ADGRL2: variants seen among roughly 807,000 people sequenced by gnomAD.
ADGRL2 encodes the protein adhesion G protein-coupled receptor L2, also known as calcium-independent alpha-latrotoxin receptor 2.
ADGRL2 carries 44 observed loss-of-function variants against 157.4 expected under a neutral mutation model. That is an observed-to-expected ratio of 0.28 (90% CI 0.22 to 0.36). The LOEUF is 0.36. Among genes scored for constraint, ADGRL2 ranks in the 10% least tolerant of loss-of-function variants. The probability of loss-of-function intolerance (pLI) is 1.00; values close to 1 mark genes in which losing one functional copy is unlikely to be tolerated. For synonymous variants in ADGRL2, 585 were observed against 624.7 expected (o/e 0.94, Z 0.95); for missense variants, 1,510 against 1,768.9 (o/e 0.85, Z 2.63).
At chr1:81,806,036 A>G (rs10493707) in intron 1 of ADGRL2, among the ~76,000 whole-genome samples, 2,683 of 152,188 alleles carry the variant, frequency 0.018, 72 homozygotes, top group African/African-American at 0.061. Context: ...TGCCATTTTC[A>G]ATCACTGGGT....
chr1:81,909,797 A>T (rs2094671159), intron 3 of ADGRL2, among the ~76,000 whole-genome samples: 1 of 151,900 alleles, frequency 6.6e-6, no homozygotes, highest in Admixed American at 6.6e-5. Context: ...TAAAATTTAG[A>T]TGTAAGGAAA....
intron 1 of ADGRL2, among the ~76,000 whole-genome samples, chr1:81,819,577 A>G (rs2090771346): frequency 6.6e-6 from 1 of 152,138 alleles, no homozygotes; most frequent in Non-Finnish European, 1.5e-5. Context: ...AAGTGATACT[A>G]ATTTTTTTTA....
intron 1 of ADGRL2, among the ~76,000 whole-genome samples, chr1:81,809,801 A>G (rs2089633083): frequency 6.6e-6 from 1 of 152,056 alleles, no homozygotes; most frequent in Admixed American, 6.6e-5. Flanking sequence ...TTCAAAATGT[A>G]AAATATGTAT....
At chr1:81,886,151 T>C (rs1331876673) in intron 2 of ADGRL2, among the ~76,000 whole-genome samples, 1 of 152,208 alleles carries the variant, frequency 6.6e-6, no homozygotes, top group African/African-American at 2.4e-5. Context: ...TACACGTTAT[T>C]TCTTTGCAGT....
intron 17 of ADGRL2, among the ~76,000 whole-genome samples, chr1:81,977,808 AG>A (rs956027079): frequency 6.6e-6 from 1 of 151,700 alleles, no homozygotes; most frequent in Non-Finnish European, 1.5e-5. Flanking sequence ...AAGAAGAGCA[AG>A]GAAAAAAAAC....
intron 2 of ADGRL2, among the ~76,000 whole-genome samples, chr1:81,889,325 G>A (rs1362726309): frequency 6.6e-6 from 1 of 152,198 alleles, no homozygotes; most frequent in Non-Finnish European, 1.5e-5. Context: ...CTACTTCAGT[G>A]AACACATAGA....
chr1:81,929,918 T>A (rs766621046), intron 3 of ADGRL2, among the ~76,000 whole-genome samples: 3 of 152,172 alleles, frequency 2.0e-5, no homozygotes, highest in Non-Finnish European at 4.4e-5. Context: ...CTTAACAAAC[T>A]TCTAAAGAAG....
chr1:81,411,439 TG>T (rs2076943344), intron 1 of ADGRL2, among the ~76,000 whole-genome samples: 1 of 152,158 alleles, frequency 6.6e-6, no homozygotes, highest in Admixed American at 6.5e-5. Context: ...AGGGAGATAT[TG>T]GTGTCGTTAG....
chr1:81,855,178 C>G (rs963149434), intron 2 of ADGRL2, among the ~76,000 whole-genome samples: 3 of 152,114 alleles, frequency 2.0e-5, no homozygotes, highest in Non-Finnish European at 4.4e-5. Flanking sequence ...GTGGCTCGTG[C>G]CTGTAATCCC....
intron 2 of ADGRL2, among the ~76,000 whole-genome samples, chr1:81,498,519 G>A (rs1250077131): frequency 6.6e-6 from 1 of 152,076 alleles, no homozygotes; most frequent in African/African-American, 2.4e-5. Flanking sequence ...CCCCATACTG[G>A]ACCGACAGAT....
In ADGRL2 at chr1:81,990,484, A is replaced by G. The variant is rs1664384358; in HGVS notation, c.3749A>G (p.Asp1250Gly). Residue 1250 changes from aspartate (D) to glycine (G), a missense_variant, in exon 24 of 24, where the codon GAC (aspartate) becomes GGC (glycine). Asp to Gly is a moderately conservative substitution (Grantham distance 94, BLOSUM62 -1). Coordinates refer to ENST00000686636, the MANE Select transcript of ADGRL2 (RefSeq NM_001366006.2). ...FNNSYSLHKG[D>G]YNDSVQVVDC... ...AACAGCTACTCGCTGCACAAGGGTGACTATAATGACAGCGTGCAAGTTGTG... is the reference window on the plus strand; with the variant it reads ...AACAGCTACTCGCTGCACAAGGGTGGCTATAATGACAGCGTGCAAGTTGTG... 6.2e-7 allele frequency: 1 copy of G among 1,614,014 alleles called. No homozygotes were observed. The highest frequency in any genetic ancestry group is 1.3e-5 in the African/African-American group (1 of 74,926).
chr1:81,414,847 T>C (rs1040588513), intron 1 of ADGRL2, among the ~76,000 whole-genome samples: 6 of 152,218 alleles, frequency 3.9e-5, no homozygotes, highest in African/African-American at 1.4e-4. Flanking sequence ...CAAGACTTTT[T>C]ATAATTCGAT....
chr1:81,976,237 T>C (rs1660157106), intron 17 of ADGRL2, among the ~76,000 whole-genome samples: 1 of 151,990 alleles, frequency 6.6e-6, no homozygotes, highest in South Asian at 2.1e-4. Context: ...AAAAATCTTA[T>C]TCAGTATTAT....
chr1:81,792,462 A>G (rs1351205561), intron 2 of ADGRL2, among the ~76,000 whole-genome samples: 3 of 152,122 alleles, frequency 2.0e-5, no homozygotes, highest in African/African-American at 7.2e-5. Flanking sequence ...ATACATATAC[A>G]TGTGCATATA....
intron 1 of ADGRL2, among the ~76,000 whole-genome samples, chr1:81,801,987 A>C (rs1201234833): frequency 1.3e-5 from 2 of 148,994 alleles, no homozygotes; most frequent in East Asian, 4.1e-4. Flanking sequence ...TAACCCCAGG[A>C]GCCGCCCGGC....
At chr1:81,434,137 G>A (rs764789459) in intron 1 of ADGRL2, among the ~76,000 whole-genome samples, 6 of 152,096 alleles carry the variant, frequency 3.9e-5, no homozygotes, top group African/African-American at 4.8e-5. Context: ...AGATTCAAAG[G>A]GAGAGGAATT....
At chr1:81,535,399 G>T (rs2079710453) in intron 2 of ADGRL2, among the ~76,000 whole-genome samples, 1 of 152,074 alleles carries the variant, frequency 6.6e-6, no homozygotes, top group Admixed American at 6.6e-5. Context: ...TATCTCATGT[G>T]TGTGTGTATG....
intron 2 of ADGRL2, among the ~76,000 whole-genome samples, chr1:81,569,586 C>T (rs570537679): frequency 3.4e-4 from 51 of 152,182 alleles, no homozygotes; most frequent in Middle Eastern, 6.8e-3. Context: ...GGCAAGAGGA[C>T]CACTTGAGGC....
intron 2 of ADGRL2, among the ~76,000 whole-genome samples, chr1:81,567,276 A>G (rs2080583827): frequency 3.3e-5 from 5 of 152,128 alleles, no homozygotes; most frequent in Admixed American, 3.3e-4. Flanking sequence ...TTTAAAATTC[A>G]ATACTTCAGT....
Sources: gnomAD v4.1 joint callset for allele counts (sites outside exome capture counted in the v4.1 genomes callset) on GRCh38, gnomAD v4.1.1 for gene constraint, MANE v1.5 for transcripts, NCBI Gene and HGNC (gene_info 2026-07-23, HGNC 2026-07-21) for gene names.